The following AIRE variants were observed in gnomAD, a reference collection of about 807,000 sequenced individuals.
AIRE encodes the protein autoimmune regulator.
A neutral mutation model predicts 62.1 loss-of-function variants in AIRE; 52 were observed. That is an observed-to-expected ratio of 0.84 (90% CI 0.67 to 1.06). AIRE has a LOEUF of 1.06. Ranked by LOEUF, AIRE falls within the 50% of genes least tolerant of loss-of-function variation. The pLI, the probability that AIRE is intolerant of heterozygous loss-of-function variation, is 0.00. For missense variants in AIRE, 774 were observed against 755.8 expected (o/e 1.02, Z -0.28); for synonymous variants, 342 against 321.6 (o/e 1.06, Z -0.68).
In AIRE at chr21:44,290,272, G is replaced by C. The variant is rs1184884808; in HGVS notation, c.879+204G>C. The C allele has an allele frequency of 3.0e-6, 3 of 985,296 alleles. No homozygotes were observed. The East Asian group carries it at 3.4e-4, about 112-fold the overall frequency. 61.0% of individuals were successfully genotyped at this position (985,296 alleles called of 1,614,324 possible). On this transcript the variant is annotated intron_variant, in intron 7 of 13. Coordinates refer to ENST00000291582, the MANE Select transcript of AIRE (RefSeq NM_000383.4). ...TAATAGTTTAAATGAGTCAGAGAAAGTGAGGTCTTCTCAGGCTCTTAAGAG... is the reference window on the plus strand; with the variant it reads ...TAATAGTTTAAATGAGTCAGAGAAACTGAGGTCTTCTCAGGCTCTTAAGAG...
chr21:44,291,022 T>C, intron 7 of AIRE, 73 bp from the exon 8 acceptor site: 3 of 1,613,420 alleles, frequency 1.9e-6, no homozygotes, highest in Non-Finnish European at 2.5e-6. Flanking sequence ...GGAGCTGTTT[T>C]GGGAAGGAGG....
Position 44,286,690 on chromosome 21 carries a change from G to T in AIRE, c.266G>T (p.Arg89Leu), listed in dbSNP as rs762267080. ...RVLFKDYNLE[R>L]YGRLQPILDS... ...CTGTTCAAGGACTACAACCTGGAGC[G>T]CTATGGCCGGCTGCAGCCCATCCTG... The change falls in exon 2 of 14, where the codon CGC becomes CTC. Residue 89 changes from arginine to leucine, a missense_variant. Arg to Leu is a moderately radical substitution (Grantham distance 102, BLOSUM62 -2). Around this residue, in one of 3 missense-constraint regions of AIRE, gnomAD observed 385 missense variants for 396.0 expected, o/e 0.97. Coordinates refer to ENST00000291582, the MANE Select transcript of AIRE (RefSeq NM_000383.4). The surrounding 1 kb of genome is among the most constrained non-coding windows in gnomAD (Gnocchi z 6.0). 4 of 1,612,920 alleles carry T rather than the reference G, an allele frequency of 2.5e-6. No individual in the cohort carries two copies. In the East Asian group the frequency reaches 6.7e-5, roughly 27 times the overall value.
chr21:44,293,299 C>T, intron 10 of AIRE, 124 bp downstream of exon 10: 1 of 413,706 alleles, frequency 2.4e-6, no homozygotes, highest in Non-Finnish European at 3.6e-6. Flanking sequence ...GGCACAGGGC[C>T]TGGGGCTGTG....
At chr21:44,292,865 G>GCCCCCACCATGCCAGCCCTCCA in intron 9 of AIRE, 128 bp from the exon 10 acceptor site, 1 of 766,964 alleles carries the variant, frequency 1.3e-6, no homozygotes, top group Non-Finnish European at 2.2e-6. Context: ...CCAGCCCTCC[G>GCCCCCACCATGCCAGCCCTCCA]CCCCCACCAT....
At chr21:44,290,287 G>C (rs2040523330) in intron 7 of AIRE, 1 of 985,340 alleles carries the variant, frequency 1.0e-6, no homozygotes, top group Non-Finnish European at 1.2e-6. Context: ...GTCTTCTCAG[G>C]CTCTTAAGAG....
chr21:44,296,424 C>T lies in AIRE; in HGVS notation c.1545C>T (p.Asp515=), dbSNP rs2146388098. The change falls in exon 13 of 14, where the codon GAC becomes GAT. Residue 515 remains aspartate (D), a synonymous_variant. Coordinates refer to ENST00000291582, the MANE Select transcript of AIRE (RefSeq NM_000383.4). ...ACGAGCCCGCTCTGCACAGGGATGA[C>T]CTGGAGTCCCTTCTGAGCGAGGTAA... is the stretch of plus-strand genomic sequence containing the variant. ...ASHEPALHRD[D]LESLLSEHTF... is the part of the protein sequence containing the mutation. The T allele has an allele frequency of 6.2e-7, 1 of 1,612,558 alleles. No individual in the cohort carries two copies. The highest frequency in any genetic ancestry group is 1.3e-5 in the African/African-American group (1 of 74,980).
intron 7 of AIRE, chr21:44,290,495 C>T (rs567985727): frequency 1.0e-6 from 1 of 955,544 alleles, no homozygotes; most frequent in Admixed American, 6.2e-5. Context: ...GACCACTTGG[C>T]ACCAGGGGCT....
At chr21:44,295,245 G>T (rs561152124) in intron 12 of AIRE, among the ~76,000 whole-genome samples, 1 of 152,180 alleles carries the variant, frequency 6.6e-6, no homozygotes, top group African/African-American at 2.4e-5. Flanking sequence ...CCTCCGCCCC[G>T]TATACACCGT....
intron 4 of AIRE, 44 bp from the exon 5 acceptor site, chr21:44,288,301 C>G (rs1335155107): frequency 7.0e-7 from 1 of 1,418,786 alleles, no homozygotes. Flanking sequence ...TGCTTGGGAA[C>G]AGTCTTCCCC....
Position 44,292,361 on chromosome 21 carries a change from C to T in AIRE, c.1055C>T (p.Ala352Val), listed in dbSNP as rs1306065238. ...QATVQEVQPR[A>V]EEPRPQEPPV... Reference sequence around the variant, plus strand: ...ACAGTCCAGGAGGTGCAGCCCCGGGCAGAGGAGCCCCGGCCCCAGGAGCCA... The same window carrying T: ...ACAGTCCAGGAGGTGCAGCCCCGGGTAGAGGAGCCCCGGCCCCAGGAGCCA... Residue 352 changes from alanine to valine, a missense_variant, in exon 9 of 14, where the codon GCA becomes GTA. Transcript: ENST00000291582. The T allele has an allele frequency of 6.4e-7, 1 of 1,569,226 alleles. No individual in the cohort carries two copies. Among genetic ancestry groups the T allele is most frequent in the South Asian group, 1.2e-5 (1 of 85,414 alleles).
Position 44,286,801 on chromosome 21 carries a change from AC to A in AIRE, c.307+71del. 2 of 1,589,648 alleles carry A rather than the reference AC, an allele frequency of 1.3e-6. No individual in the cohort carries two copies. Among genetic ancestry groups the A allele is most frequent in the Non-Finnish European group, 1.7e-6 (2 of 1,161,166 alleles). On this transcript the variant is annotated intron_variant, in intron 2 of 13. Transcript: ENST00000291582. This position sits in a 1 kb window ranked among gnomAD's most constrained non-coding sequence, Gnocchi z 6.0. The stretch of plus-strand genomic sequence containing the variant: ...GCTGTCACCTGCTCAGCCCAGCTGG[AC>A]TGGAACCGGAGTGGTGTTTGAGGAG...
chr21:44,292,171 C>T (rs2040547972), intron 8 of AIRE, 131 bp from the exon 9 acceptor site: 1 of 774,710 alleles, frequency 1.3e-6, no homozygotes, highest in Non-Finnish European at 2.3e-6. Flanking sequence ...CTCTGCCCAT[C>T]TCTCTGCTGT....
rs1247786036 is a variant in AIRE at position 44,298,115 on chromosome 21, AGAGT to A, written c.*392_*395del. ...CCACTGCACTCCAGTCTGGTCGGCA[AGAGT>A]GAGACTCCGTCTCAAAAACAAAACA... On this transcript the variant is annotated 3_prime_UTR_variant, in exon 14 of 14. Coordinates refer to ENST00000291582, the MANE Select transcript of AIRE (RefSeq NM_000383.4). 1.6e-4 allele frequency: 44 copies of A among 272,376 alleles called. 1 individual carries two copies. Among genetic ancestry groups the A allele is most frequent in the Middle Eastern group, 2.7e-3 (2 of 752 alleles). The allele number at this position is 272,376 out of a possible 1,614,324, so 16.9% of individuals were successfully genotyped here.
At position 44,293,847 on chromosome 21, in the gene AIRE, GTACTCAC is replaced by G; in HGVS notation, c.1339_1345del (p.Thr447AlafsTer31). 6.3e-7 allele frequency: 1 copy of G among 1,596,986 alleles called. No homozygotes were observed. Among genetic ancestry groups the G allele is most frequent in the Non-Finnish European group, 8.5e-7 (1 of 1,179,584 alleles). ...GGAGATGGTACGGACGTGCTGCGGT[GTACTCAC>G]TGCGCCGCTGCCTTCCACTGGCGCT... On this transcript the variant is annotated frameshift_variant, in exon 11 of 14. Coordinates refer to ENST00000291582, the MANE Select transcript of AIRE (RefSeq NM_000383.4). LOFTEE classifies it high-confidence loss of function.
intron 12 of AIRE, 90 bp downstream of exon 12, chr21:44,294,593 C>T (rs2040586616): frequency 3.3e-6 from 2 of 608,818 alleles, no homozygotes; most frequent in Non-Finnish European, 2.6e-6. Context: ...TCAGGGCAGA[C>T]CCTGGGTGCC....
chr21:44,294,283 T>A, intron 11 of AIRE, 118 bp from the exon 12 acceptor site: 3 of 233,934 alleles, frequency 1.3e-5, no homozygotes, highest in East Asian at 1.2e-4. Flanking sequence ...CACCCCTTCC[T>A]CACACCCCAC....
rs377684117 is a variant in AIRE, at chr21:44,292,326, C to T, written c.1020C>T (p.Cys340=). 3.8e-6 allele frequency: 6 copies of T among 1,577,242 alleles called. No individual in the cohort carries two copies. The highest frequency in any genetic ancestry group is 2.7e-5 in the African/African-American group (2 of 74,440). ...IPSGTWRCSS[C]LQATVQEVQP... ...GTGGGACCTGGAGGTGCTCCAGCTGCCTGCAGGCAACAGTCCAGGAGGTGC... is the reference window on the plus strand; with the variant it reads ...GTGGGACCTGGAGGTGCTCCAGCTGTCTGCAGGCAACAGTCCAGGAGGTGC... Residue 340 remains cysteine, a synonymous_variant, in exon 9 of 14, where the codon TGC becomes TGT. Transcript: ENST00000291582.
chr21:44,296,233 C>T (rs2040605311), intron 12 of AIRE, 150 bp from the exon 13 acceptor site: 21 of 796,706 alleles, frequency 2.6e-5, no homozygotes, highest in Non-Finnish European at 4.4e-6. Context: ...GCCCACGCAG[C>T]CCTGTGCCCC....
chr21:44,295,242 CCCGTATACA>C (rs1478172888), intron 12 of AIRE, among the ~76,000 whole-genome samples: 2 of 152,216 alleles, frequency 1.3e-5, no homozygotes, highest in Admixed American at 6.5e-5. Context: ...GTGCCTCCGC[CCCGTATACA>C]CCGTGTGGGT....
Sources: gnomAD v4.1 joint callset for allele counts (sites outside exome capture counted in the v4.1 genomes callset) on GRCh38, gnomAD v4.1.1 for gene constraint, gnomAD v4.1.1 regional missense constraint, Gnocchi (gnomAD v3.1) non-coding constraint, MANE v1.5 for transcripts, NCBI Gene and HGNC (gene_info 2026-07-23, HGNC 2026-07-21) for gene names.